Variants in ST6GALNAC5 observed in about 807,000 individuals in gnomAD.
ST6GALNAC5 encodes ST6 N-acetylgalactosaminide alpha-2,6-sialyltransferase 5.
ST6GALNAC5 carries 27 observed loss-of-function variants against 33.6 expected under a neutral mutation model. The ratio of observed to expected loss-of-function variants is 0.80; its 90% CI spans 0.59 to 1.11. The LOEUF (loss-of-function observed/expected upper bound fraction) is 1.11. ST6GALNAC5 is among the 50% of genes least tolerant of loss of function. ST6GALNAC5 has a pLI of 0.00. For synonymous variants in ST6GALNAC5, 194 were observed against 171.2 expected (o/e 1.13, Z -1.04); for missense variants, 428 against 454.0 (o/e 0.94, Z 0.52).
intron 2 of ST6GALNAC5, among the ~76,000 whole-genome samples, chr1:76,881,723 T>C (rs904064912): frequency 1.3e-5 from 2 of 152,192 alleles, no homozygotes; most frequent in Admixed American, 6.5e-5. Flanking sequence ...TTCTAACCAT[T>C]TGGAGTTACT....
chr1:77,052,114 C>G (rs963741419), intron 4 of ST6GALNAC5, among the ~76,000 whole-genome samples: 3 of 152,186 alleles, frequency 2.0e-5, no homozygotes, highest in African/African-American at 7.2e-5. Flanking sequence ...AGTTTCTCTT[C>G]CTAAGCTATC....
At chr1:76,898,872 T>A (rs1270046376) in intron 2 of ST6GALNAC5, among the ~76,000 whole-genome samples, 1 of 151,886 alleles carries the variant, frequency 6.6e-6, no homozygotes, top group East Asian at 1.9e-4. Flanking sequence ...AGAGGTCAGA[T>A]GGGTCTGTAG....
intron 2 of ST6GALNAC5, among the ~76,000 whole-genome samples, chr1:76,953,047 T>C (rs940186301): frequency 3.9e-5 from 6 of 152,178 alleles, no homozygotes; most frequent in Non-Finnish European, 8.8e-5. Context: ...TAGTATTCCA[T>C]TGTGCAGATA....
chr1:76,914,962 C>A (rs1294977260), intron 2 of ST6GALNAC5, among the ~76,000 whole-genome samples: 3 of 150,884 alleles, frequency 2.0e-5, no homozygotes, highest in Admixed American at 2.0e-4. Context: ...GGCTAATATC[C>A]AGAATCTACA....
chr1:76,913,314 G>T (rs960243057), intron 2 of ST6GALNAC5, among the ~76,000 whole-genome samples: 1 of 151,196 alleles, frequency 6.6e-6, no homozygotes, highest in African/African-American at 2.5e-5. Context: ...GCTTCTCTTT[G>T]TGGGTAACCC....
intron 4 of ST6GALNAC5, among the ~76,000 whole-genome samples, chr1:77,055,704 G>C (rs1652373356): frequency 6.6e-6 from 1 of 152,068 alleles, no homozygotes; most frequent in Non-Finnish European, 1.5e-5. Flanking sequence ...CAGACCTACT[G>C]GGCCCACTGG....
intron 2 of ST6GALNAC5, among the ~76,000 whole-genome samples, chr1:76,981,758 G>A (rs1192858656): frequency 6.6e-6 from 1 of 152,144 alleles, no homozygotes; most frequent in Non-Finnish European, 1.5e-5. Flanking sequence ...ACCTCATATA[G>A]GTGGCTGCCC....
chr1:76,937,675 A>C (rs1333045319), intron 2 of ST6GALNAC5, among the ~76,000 whole-genome samples: 2 of 152,188 alleles, frequency 1.3e-5, no homozygotes, highest in East Asian at 3.9e-4. Flanking sequence ...GGACCGTGAG[A>C]AAAACCACTG....
intron 2 of ST6GALNAC5, among the ~76,000 whole-genome samples, chr1:76,975,656 A>G (rs1648979903): frequency 6.6e-6 from 1 of 152,210 alleles, no homozygotes. Flanking sequence ...CTCCCAAAAG[A>G]AAAGCAGACA....
At chr1:76,932,010 T>C (rs992747063) in intron 2 of ST6GALNAC5, among the ~76,000 whole-genome samples, 12 of 152,034 alleles carry the variant, frequency 7.9e-5, no homozygotes, top group African/African-American at 1.4e-4. Context: ...CCTGAGTTAA[T>C]TGGATTTAGG....
chr1:76,980,622 A>T (rs1649210498), intron 2 of ST6GALNAC5, among the ~76,000 whole-genome samples: 2 of 152,188 alleles, frequency 1.3e-5, no homozygotes, highest in African/African-American at 2.4e-5. Context: ...AAATGGGGGA[A>T]AGAATAGGTT....
intron 2 of ST6GALNAC5, among the ~76,000 whole-genome samples, chr1:77,033,592 T>G (rs1651541955): frequency 7.0e-6 from 1 of 142,610 alleles, no homozygotes; most frequent in Non-Finnish European, 1.5e-5. Context: ...CACTTAGTCG[T>G]GTTATGTGGG....
chr1:76,942,465 A>G (rs1248536472), intron 2 of ST6GALNAC5, among the ~76,000 whole-genome samples: 1 of 152,160 alleles, frequency 6.6e-6, no homozygotes, highest in African/African-American at 2.4e-5. Flanking sequence ...GCCAGTATCC[A>G]TGACTGACTG....
chr1:77,004,722 A>G (rs1192204056), intron 2 of ST6GALNAC5, among the ~76,000 whole-genome samples: 2 of 120,928 alleles, frequency 1.7e-5, no homozygotes, highest in African/African-American at 5.1e-5. Flanking sequence ...CAGGACCCTC[A>G]GCTGCAGGTC....
Position 76,950,559 on chromosome 1 carries a change from A to T in ST6GALNAC5, c.261+81817A>T, listed in dbSNP as rs143787638. 2.5e-4 allele frequency among the ~76,000 whole-genome samples: 38 copies of T among 152,224 alleles called. 1 individual carries two copies. The highest frequency in any genetic ancestry group is 9.1e-4 in the African/African-American group (38 of 41,552). On this transcript the variant is annotated intron_variant, in intron 2 of 4. Coordinates refer to ENST00000477717, the MANE Select transcript of ST6GALNAC5 (RefSeq NM_030965.3). ...AAATTAGAGCTCTGCCCTCAAGGAGATGATAGTAATGTATAACCTAAGCCA... is the reference window on the plus strand; with the variant it reads ...AAATTAGAGCTCTGCCCTCAAGGAGTTGATAGTAATGTATAACCTAAGCCA...
In ST6GALNAC5 at chr1:76,872,114, CACACCA is replaced by C. The variant is rs1263302316; in HGVS notation, c.261+3373_261+3378del. Among the ~76,000 whole-genome samples the C allele has an allele frequency of 2.4e-3, 316 of 131,506 alleles. 4 individuals are homozygous for C. Among genetic ancestry groups the C allele is most frequent in the African/African-American group, 9.7e-3 (299 of 30,748 alleles). 86.3% of individuals were successfully genotyped at this position (131,506 alleles called of 152,430 possible). On this transcript the variant is annotated intron_variant, in intron 2 of 4. Coordinates refer to ENST00000477717, the MANE Select transcript of ST6GALNAC5 (RefSeq NM_030965.3). Reference sequence around the variant, plus strand: ...ACACACACACACACACACACACACACACACCACACACATTAAATCAAGAAATACTCA... The same window carrying C: ...ACACACACACACACACACACACACACCACACATTAAATCAAGAAATACTCA...
intron 2 of ST6GALNAC5, among the ~76,000 whole-genome samples, chr1:76,944,601 T>A (rs1173626614): frequency 6.6e-6 from 1 of 152,098 alleles, no homozygotes. Context: ...AATATATTAA[T>A]GAATGAGTGA....
chr1:76,981,357 G>C (rs1649245024), intron 2 of ST6GALNAC5, among the ~76,000 whole-genome samples: 1 of 152,184 alleles, frequency 6.6e-6, no homozygotes, highest in Non-Finnish European at 1.5e-5. Context: ...GGCTCGATGG[G>C]TCCCACACCC....
chr1:76,891,311 T>A (rs143285655), intron 2 of ST6GALNAC5, among the ~76,000 whole-genome samples: 1 of 152,318 alleles, frequency 6.6e-6, no homozygotes, highest in Non-Finnish European at 1.5e-5. Context: ...AAGTAGTATC[T>A]CCTTGTAGTT....
Sources: allele counts gnomAD v4.1 joint callset (sites outside exome capture counted in the v4.1 genomes callset), GRCh38; gene constraint gnomAD v4.1.1; transcripts MANE v1.5; gene names NCBI Gene and HGNC (gene_info 2026-07-23, HGNC 2026-07-21).